Variants in TCF7L2 observed in about 807,000 individuals in gnomAD.
The protein encoded by TCF7L2 is transcription factor 7 like 2.
Under a neutral mutation model 77.9 loss-of-function variants are expected in TCF7L2, and 23 were observed. The ratio of observed to expected loss-of-function variants is 0.30; its 90% confidence interval spans 0.21 to 0.42. TCF7L2 has a LOEUF of 0.42. TCF7L2 is among the 10% of genes least tolerant of loss of function. TCF7L2 has a pLI of 1.00. For synonymous variants in TCF7L2, 413 were observed against 340.2 expected (o/e 1.21, Z -2.36); for missense variants, 654 against 793.1 (o/e 0.82, Z 2.11).
chr10:112,975,552 G>T (rs2039254828), intron 4 of TCF7L2, among the ~76,000 whole-genome samples: 2 of 152,086 alleles, frequency 1.3e-5, no homozygotes, highest in Non-Finnish European at 2.9e-5. Flanking sequence ...TGCGATCTTG[G>T]ATCACTGCAA....
intron 3 of TCF7L2, among the ~76,000 whole-genome samples, chr10:112,954,065 C>T (rs890039637): frequency 6.6e-6 from 1 of 152,190 alleles, no homozygotes; most frequent in Non-Finnish European, 1.5e-5. Context: ...TCATTCCTGA[C>T]GTCTTCAATC....
chr10:113,043,769 C>A (rs1048032831), intron 5 of TCF7L2, among the ~76,000 whole-genome samples: 10 of 151,978 alleles, frequency 6.6e-5, no homozygotes, highest in African/African-American at 2.2e-4. Context: ...ATTTTTAATT[C>A]TTTGCTCCCT....
At chr10:113,096,885 A>G (rs1459301456) in intron 5 of TCF7L2, among the ~76,000 whole-genome samples, 1 of 152,156 alleles carries the variant, frequency 6.6e-6, no homozygotes, top group East Asian at 1.9e-4. Context: ...CAGAGAAAGA[A>G]GAAATAAGAG....
At chr10:113,049,893 C>T (rs551377075) in intron 5 of TCF7L2, among the ~76,000 whole-genome samples, 33 of 152,258 alleles carry the variant, frequency 2.2e-4, no homozygotes, top group African/African-American at 7.9e-4. Context: ...GGCTGGGGGA[C>T]ACCTGTAGGC....
At chr10:112,987,121 G>A (rs1034870538) in intron 4 of TCF7L2, among the ~76,000 whole-genome samples, 1 of 152,168 alleles carries the variant, frequency 6.6e-6, no homozygotes, top group African/African-American at 2.4e-5. Flanking sequence ...TACTTACCGA[G>A]CATCTTCTGG....
intron 5 of TCF7L2, among the ~76,000 whole-genome samples, chr10:113,048,250 C>A (rs2053799974): frequency 6.6e-6 from 1 of 152,160 alleles, no homozygotes; most frequent in Non-Finnish European, 1.5e-5. Context: ...GTTTATCTTT[C>A]CAGTAAATAA....
At chr10:113,000,864 G>A (rs898405688) in intron 4 of TCF7L2, among the ~76,000 whole-genome samples, 1 of 152,174 alleles carries the variant, frequency 6.6e-6, no homozygotes, top group South Asian at 2.1e-4. Context: ...GTTTGATATG[G>A]TTGGGTCCTA....
At position 112,964,579 on chromosome 10, in the gene TCF7L2, A is replaced by C; in HGVS notation, c.405A>C (p.Thr135=). ...AGCTCCATTTTCAGTCCGGCAGCAC[A>C]CATTACTCTGCGTACAAAACGATTG... Residue 135 remains threonine (T), a synonymous_variant, in exon 4 of 14, where the codon ACA becomes ACC. Coordinates refer to ENST00000627217, the MANE Select transcript of TCF7L2 (RefSeq NM_001146274.2). 6.2e-7 allele frequency: 1 copy of C among 1,613,544 alleles called. No homozygotes were observed.
intron 5 of TCF7L2, among the ~76,000 whole-genome samples, chr10:113,060,998 G>C (rs1237723846): frequency 6.6e-6 from 1 of 152,174 alleles, no homozygotes; most frequent in Non-Finnish European, 1.5e-5. Context: ...TGGATAGTAA[G>C]CTCCTTGGTT....
At chr10:113,075,997 G>A (rs947568722) in intron 5 of TCF7L2, among the ~76,000 whole-genome samples, 4 of 151,954 alleles carry the variant, frequency 2.6e-5, no homozygotes, top group African/African-American at 2.4e-5. Flanking sequence ...TTAGCCAGGC[G>A]TGGTGGCACG....
chr10:113,039,238 C>T (rs1283292518), intron 4 of TCF7L2, among the ~76,000 whole-genome samples: 2 of 152,196 alleles, frequency 1.3e-5, no homozygotes, highest in East Asian at 3.8e-4. Flanking sequence ...GTTCAAATCT[C>T]ACTGAAAGCT....
At chr10:113,098,101 C>T (rs1042092720) in intron 5 of TCF7L2, among the ~76,000 whole-genome samples, 5 of 150,010 alleles carry the variant, frequency 3.3e-5, no homozygotes, top group African/African-American at 7.4e-5. Context: ...ACATGTCGTA[C>T]CTGAAGGGAA....
chr10:113,072,245 C>T (rs532712700), intron 5 of TCF7L2, among the ~76,000 whole-genome samples: 13 of 151,870 alleles, frequency 8.6e-5, no homozygotes, highest in Admixed American at 3.9e-4. Flanking sequence ...TTAGCAGAGA[C>T]GGGGTTTCAC....
chr10:112,994,388 T>C (rs949623414), intron 4 of TCF7L2, among the ~76,000 whole-genome samples: 1 of 152,274 alleles, frequency 6.6e-6, no homozygotes, highest in Non-Finnish European at 1.5e-5. Context: ...CATCCAGTAT[T>C]GTAGCATCTA....
intron 4 of TCF7L2, 115 bp downstream of exon 4, chr10:112,964,739 A>ATGGTGGTGGTGGTGG (rs750227326): frequency 1.7e-6 from 1 of 575,334 alleles, no homozygotes; most frequent in Non-Finnish European, 2.7e-6. Flanking sequence ...GATGATGATG[A>ATGGTGGTGGTGGTGG]TGGTGGTGGT....
At chr10:113,144,859 A>G (rs1263925007) in intron 7 of TCF7L2, among the ~76,000 whole-genome samples, 2 of 152,196 alleles carry the variant, frequency 1.3e-5, no homozygotes, top group African/African-American at 4.8e-5. Context: ...GGTTGTGTGT[A>G]TGTATATTTT....
chr10:113,064,587 T>A (rs2056987591), intron 5 of TCF7L2, among the ~76,000 whole-genome samples: 1 of 152,260 alleles, frequency 6.6e-6, no homozygotes, highest in African/African-American at 2.4e-5. Flanking sequence ...GTGAAGGTAC[T>A]ACTGTTCATC....
chr10:113,159,378 C>T (rs903975461), intron 12 of TCF7L2, among the ~76,000 whole-genome samples: 3 of 152,038 alleles, frequency 2.0e-5, no homozygotes, highest in Non-Finnish European at 4.4e-5. Flanking sequence ...AGTACCACAA[C>T]CCTTTTCTTT....
At chr10:113,089,677 G>T in intron 5 of TCF7L2, 1 of 1,165,010 alleles carries the variant, frequency 8.6e-7, no homozygotes, top group Admixed American at 2.9e-5. Flanking sequence ...GTCATTTTGG[G>T]TGCCATGATG....
Sources: gnomAD v4.1 joint callset for allele counts (sites outside exome capture counted in the v4.1 genomes callset) on GRCh38, gnomAD v4.1.1 for gene constraint, MANE v1.5 for transcripts, NCBI Gene and HGNC (gene_info 2026-07-23, HGNC 2026-07-21) for gene names.